CREBBP: variants seen among roughly 807,000 people sequenced by gnomAD.
The protein encoded by CREBBP is CREB binding lysine acetyltransferase.
A neutral mutation model predicts 265.0 loss-of-function variants in CREBBP; 19 were observed. The observed-to-expected ratio is 0.07, with a 90% CI of 0.05 to 0.11. The LOEUF (loss-of-function observed/expected upper bound fraction) is 0.11. CREBBP is among the 10% of genes least tolerant of loss of function. CREBBP has a pLI of 1.00. For missense variants in CREBBP, 2,525 were observed against 3,219.0 expected (o/e 0.78, Z 5.22); for synonymous variants, 1,457 against 1,223.7 (o/e 1.19, Z -3.98).
intron 1 of CREBBP, among the ~76,000 whole-genome samples, chr16:3,876,580 T>C (rs923431635): frequency 7.9e-5 from 12 of 151,974 alleles, no homozygotes; most frequent in African/African-American, 1.5e-4. Flanking sequence ...ACTAACTATA[T>C]ACCGGTAATA....
At chr16:3,766,574 A>T (rs1452310616) in intron 16 of CREBBP, among the ~76,000 whole-genome samples, 1 of 151,506 alleles carries the variant, frequency 6.6e-6, no homozygotes, top group Non-Finnish European at 1.5e-5. Flanking sequence ...CTCCCAGGCT[A>T]GAGTGCAGTG....
At chr16:3,814,765 G>A (rs1420202231) in intron 2 of CREBBP, among the ~76,000 whole-genome samples, 1 of 152,180 alleles carries the variant, frequency 6.6e-6, no homozygotes, top group Non-Finnish European at 1.5e-5. Context: ...AGCTCATAGG[G>A]ATCTACACAA....
chr16:3,869,814 C>T (rs755383305), intron 1 of CREBBP, among the ~76,000 whole-genome samples: 1 of 152,130 alleles, frequency 6.6e-6, no homozygotes, highest in African/African-American at 2.4e-5. Context: ...CCTCTTCCTC[C>T]TGGGAAAGAA....
chr16:3,769,439 C>T (rs1343469578), intron 14 of CREBBP, 86 bp from the exon 15 acceptor site: 78 of 1,511,456 alleles, frequency 5.2e-5, no homozygotes, highest in Non-Finnish European at 7.1e-5. Flanking sequence ...CCTACAATTT[C>T]CCATTAACAT....
rs763108828 is a variant in CREBBP, at chr16:3,728,411, CTGTTGCTGCTGT to C, written c.6624_6635del (p.Gln2213_Gln2216del). The C allele has an allele frequency of 4.2e-5, 67 of 1,613,046 alleles. No homozygotes were observed. Among genetic ancestry groups the C allele is most frequent in the African/African-American group, 1.5e-4 (11 of 74,798 alleles). ...TGCCGGCACTCCCTTGCTGCTGCTG[CTGTTGCTGCTGT>C]TGTTGCTGCTGCTGTTGCTGCTGCT... On this transcript the variant is annotated inframe_deletion, in exon 31 of 31. Transcript: ENST00000262367. This position sits in a 1 kb window ranked among gnomAD's most constrained non-coding sequence, Gnocchi z 8.7.
intron 18 of CREBBP, 36 bp from the exon 19 acceptor site, chr16:3,757,412 A>G (rs1310295902): frequency 4.7e-6 from 7 of 1,483,496 alleles, no homozygotes; most frequent in South Asian, 1.2e-5. Flanking sequence ...TTATATAAAA[A>G]TACATTCCAT....
At chr16:3,754,909 T>A (rs528095936) in intron 19 of CREBBP, among the ~76,000 whole-genome samples, 1 of 152,250 alleles carries the variant, frequency 6.6e-6, no homozygotes, top group South Asian at 2.1e-4. Flanking sequence ...AAGTTGAAAA[T>A]AAAAACATAA....
At chr16:3,807,271 G>A (rs1043018369) in intron 3 of CREBBP, among the ~76,000 whole-genome samples, 1 of 152,194 alleles carries the variant, frequency 6.6e-6, no homozygotes, top group African/African-American at 2.4e-5. Flanking sequence ...CCTGGCCCAA[G>A]ACCACGTGGC....
chr16:3,782,601 G>A (rs999669813), intron 6 of CREBBP, 83 bp downstream of exon 6: 1 of 1,541,226 alleles, frequency 6.5e-7, no homozygotes, highest in Non-Finnish European at 8.8e-7. Context: ...AAAACAAACT[G>A]AAAACTGCCT....
At chr16:3,874,178 A>C (rs901323938) in intron 1 of CREBBP, among the ~76,000 whole-genome samples, 1 of 152,244 alleles carries the variant, frequency 6.6e-6, no homozygotes, top group African/African-American at 2.4e-5. Flanking sequence ...TCTGATTTTA[A>C]ATCAAGTCAT....
intron 3 of CREBBP, among the ~76,000 whole-genome samples, chr16:3,800,858 T>G (rs2053698803): frequency 6.6e-6 from 1 of 152,214 alleles, no homozygotes; most frequent in Non-Finnish European, 1.5e-5. Flanking sequence ...CTGGCATTCT[T>G]TCTATGACTA....
intron 2 of CREBBP, among the ~76,000 whole-genome samples, chr16:3,844,524 T>C (rs543986645): frequency 1.3e-5 from 2 of 152,316 alleles, no homozygotes; most frequent in South Asian, 2.1e-4. Context: ...AAAAGAAATA[T>C]ACTACTGACT....
chr16:3,744,943 G>A lies in CREBBP; in HGVS notation c.3933C>T (p.Cys1311=). Reference sequence around the variant, plus strand: ...TTCGAGGTCTGCCAGTTTTCTTCAAGCAGTTGTCGCACACAAAACTGCAAA... The same window carrying A: ...TTCGAGGTCTGCCAGTTTTCTTCAAACAGTTGTCGCACACAAAACTGCAAA... ...IWPSGFVCDN[C]LKKTGRPRKE... Residue 1311 remains cysteine (C), a synonymous_variant, in exon 23 of 31, where the codon TGC becomes TGT. Coordinates refer to ENST00000262367, the MANE Select transcript of CREBBP (RefSeq NM_004380.3). The A allele has an allele frequency of 1.2e-6, 2 of 1,613,832 alleles. No homozygotes were observed. Among genetic ancestry groups the A allele is most frequent in the Non-Finnish European group, 1.7e-6 (2 of 1,179,752 alleles).
At chr16:3,768,520 T>C (rs533306101) in intron 15 of CREBBP, among the ~76,000 whole-genome samples, 48 of 152,304 alleles carry the variant, frequency 3.2e-4, no homozygotes, top group African/African-American at 1.1e-3. Context: ...CAGATATTTC[T>C]AATTTGGAAT....
At chr16:3,744,755 C>T (rs2052299976) in intron 23 of CREBBP, 139 bp downstream of exon 23, 1 of 732,896 alleles carries the variant, frequency 1.4e-6, no homozygotes, top group African/African-American at 1.7e-5. Flanking sequence ...ATACAAAGTA[C>T]TGGGGAAAAA....
intron 1 of CREBBP, among the ~76,000 whole-genome samples, chr16:3,864,380 C>G (rs1320629475): frequency 6.6e-6 from 1 of 152,176 alleles, no homozygotes; most frequent in Non-Finnish European, 1.5e-5. Flanking sequence ...TATGTTGGCT[C>G]ACACCTATAA....
At chr16:3,794,193 G>C (rs1186019038) in intron 3 of CREBBP, among the ~76,000 whole-genome samples, 1 of 151,904 alleles carries the variant, frequency 6.6e-6, no homozygotes, top group East Asian at 1.9e-4. Context: ...GACTATAGGC[G>C]TGGTGGCGGG....
chr16:3,738,063 G>C (rs1036131954), intron 26 of CREBBP, among the ~76,000 whole-genome samples: 3 of 151,986 alleles, frequency 2.0e-5, no homozygotes, highest in African/African-American at 7.3e-5. Flanking sequence ...TGAGATTACA[G>C]GTGTGAGCCA....
intron 2 of CREBBP, among the ~76,000 whole-genome samples, chr16:3,818,420 G>A (rs564249781): frequency 5.8e-4 from 84 of 146,078 alleles, no homozygotes; most frequent in Middle Eastern, 3.7e-3. Context: ...CGATTCTCCC[G>A]TCTCAGCCTC....
Sources: allele counts gnomAD v4.1 joint callset (sites outside exome capture counted in the v4.1 genomes callset), GRCh38; gene constraint gnomAD v4.1.1; non-coding constraint Gnocchi (gnomAD v3.1); transcripts MANE v1.5; gene names NCBI Gene and HGNC (gene_info 2026-07-23, HGNC 2026-07-21).